Variants in KCTD1 observed in about 807,000 individuals in gnomAD.
KCTD1 encodes the protein potassium channel tetramerization domain containing 1, also known as BTB/POZ domain-containing protein KCTD1.
A neutral mutation model predicts 66.0 loss-of-function variants in KCTD1; 24 were observed. The observed-to-expected ratio is 0.36, with a 90% CI of 0.26 to 0.51. The LOEUF (loss-of-function observed/expected upper bound fraction) is 0.51. Among genes scored for constraint, KCTD1 ranks in the 20% least tolerant of loss-of-function variants. The pLI is 0.95. For synonymous variants in KCTD1, 511 were observed against 517.2 expected, an observed-to-expected ratio of 0.99 and a Z score of 0.16; for missense variants, 943 against 1,205.2, an observed-to-expected ratio of 0.78 and a Z score of 3.22.
chr18:26,558,108 C>T (rs867092270), intron 1 of KCTD1, among the ~76,000 whole-genome samples: 12 of 152,194 alleles, frequency 7.9e-5, no homozygotes, highest in African/African-American at 2.7e-4. Context: ...ATGGAACTTG[C>T]GTGTGTTTCC....
intron 1 of KCTD1, among the ~76,000 whole-genome samples, chr18:26,507,897 A>C (rs1983127425): frequency 6.6e-6 from 1 of 152,156 alleles, no homozygotes; most frequent in Admixed American, 6.5e-5. Context: ...GCAAAGCTGC[A>C]CATCTTGATC....
chr18:26,503,521 C>T (rs1982875332), intron 1 of KCTD1, among the ~76,000 whole-genome samples: 1 of 152,256 alleles, frequency 6.6e-6, no homozygotes, highest in African/African-American at 2.4e-5. Context: ...CACAGGCACA[C>T]ACACACCTCC....
chr18:26,626,851 G>C (rs1987513420), intron 1 of KCTD1, among the ~76,000 whole-genome samples: 1 of 152,172 alleles, frequency 6.6e-6, no homozygotes, highest in Admixed American at 6.5e-5. Flanking sequence ...AAAGGGATCA[G>C]CCAGTGCAAA....
At chr18:26,586,820 C>G (rs1986483143) in intron 1 of KCTD1, among the ~76,000 whole-genome samples, 1 of 152,160 alleles carries the variant, frequency 6.6e-6, no homozygotes, top group Admixed American at 6.5e-5. Context: ...GTCTTCAATT[C>G]TATGAAGGCT....
intron 2 of KCTD1, among the ~76,000 whole-genome samples, chr18:26,495,746 G>C (rs1460527934): frequency 6.6e-6 from 1 of 152,022 alleles, no homozygotes; most frequent in Non-Finnish European, 1.5e-5. Context: ...TTACCTCTAG[G>C]TCATTGGTTG....
intron 2 of KCTD1, among the ~76,000 whole-genome samples, chr18:26,494,312 A>C (rs2144660961): frequency 6.6e-6 from 1 of 152,326 alleles, no homozygotes; most frequent in Middle Eastern, 3.4e-3. Flanking sequence ...TCAAGGCTAC[A>C]ATGAGCTATG....
chr18:26,526,693 C>G (rs905766369), intron 1 of KCTD1, among the ~76,000 whole-genome samples: 1 of 152,138 alleles, frequency 6.6e-6, no homozygotes, highest in Non-Finnish European at 1.5e-5. Flanking sequence ...TGCTGGAGAC[C>G]CAGGAGGGGC....
chr18:26,634,280 G>C (rs1281698644), intron 1 of KCTD1, among the ~76,000 whole-genome samples: 1 of 152,168 alleles, frequency 6.6e-6, no homozygotes, highest in Non-Finnish European at 1.5e-5. Context: ...GGAAAGAATA[G>C]AGTTACACTG....
At chr18:26,470,767 G>A (rs1981014733) in intron 3 of KCTD1, among the ~76,000 whole-genome samples, 1 of 152,230 alleles carries the variant, frequency 6.6e-6, no homozygotes, top group Non-Finnish European at 1.5e-5. Context: ...GTACAGGTGA[G>A]CCTAAGCTAC....
Position 26,548,326 on chromosome 18 carries a change from T to C in KCTD1, c.211A>G (p.Ile71Val). 6.7e-7 allele frequency: 1 copy of C among 1,494,346 alleles called. No homozygotes were observed. The highest frequency in any genetic ancestry group is 8.9e-7 in the Non-Finnish European group (1 of 1,123,820). 92.6% of individuals were successfully genotyped at this position (1,494,346 alleles called of 1,614,324 possible). A position where few individuals can be genotyped will look rare whatever the true frequency, so the allele number is the denominator to read the frequency against. The change falls in exon 1 of 5, where the codon ATA becomes GTA. Residue 71 changes from isoleucine (I) to valine (V), a missense_variant. Coordinates refer to ENST00000580059, the MANE Select transcript of KCTD1 (RefSeq NM_001142730.3). ...TCCTCCTCCTCCTCGTCCCCCGTTA[T>C]CTGCACCTCCTGGATCTCGTCCTCC... Reference protein sequence around the residue: ...EEEDEIQEVQITGDEEEEEDG... With the variant: ...EEEDEIQEVQVTGDEEEEEDG...
intron 1 of KCTD1, among the ~76,000 whole-genome samples, chr18:26,503,665 C>T (rs7226648): frequency 0.32 from 48,260 of 151,992 alleles, 8,878 homozygotes; most frequent in African/African-American, 0.49. Flanking sequence ...TGTCGTTAGA[C>T]TGTGACCTCA....
At chr18:26,628,485 A>G (rs950768480) in intron 1 of KCTD1, among the ~76,000 whole-genome samples, 7 of 152,190 alleles carry the variant, frequency 4.6e-5, no homozygotes, top group African/African-American at 1.4e-4. Flanking sequence ...TTACAGCTCA[A>G]CCAAATTTCT....
intron 1 of KCTD1, among the ~76,000 whole-genome samples, chr18:26,598,316 G>A (rs1167909363): frequency 6.6e-6 from 1 of 152,158 alleles, no homozygotes; most frequent in Non-Finnish European, 1.5e-5. Context: ...AATATTCCAT[G>A]TAGGGATGTA....
At chr18:26,564,370 T>A (rs1169816271) in intron 1 of KCTD1, among the ~76,000 whole-genome samples, 1 of 152,046 alleles carries the variant, frequency 6.6e-6, no homozygotes, top group Non-Finnish European at 1.5e-5. Flanking sequence ...GACCATCAAT[T>A]CCCATCCATG....
chr18:26,461,411 C>T (rs2144540283), intron 3 of KCTD1, among the ~76,000 whole-genome samples: 2 of 152,362 alleles, frequency 1.3e-5, no homozygotes, highest in Middle Eastern at 6.8e-3. Context: ...TGGTTCCCTG[C>T]AGGAAAGGAG....
At chr18:26,605,758 A>ATCTATCTATCTATCTATCTG (rs1555646517) in intron 1 of KCTD1, among the ~76,000 whole-genome samples, 32 of 144,542 alleles carry the variant, frequency 2.2e-4, no homozygotes, top group African/African-American at 8.3e-4. Context: ...CTATCTATCT[A>ATCTATCTATCTATCTATCTG]TCTATCTATC....
intron 1 of KCTD1, among the ~76,000 whole-genome samples, chr18:26,625,378 C>T (rs1445540246): frequency 1.3e-5 from 2 of 152,048 alleles, no homozygotes; most frequent in Non-Finnish European, 2.9e-5. Flanking sequence ...TGGGAGGGAC[C>T]CAGTGGGAGA....
intron 1 of KCTD1, among the ~76,000 whole-genome samples, chr18:26,578,022 C>T (rs1225794068): frequency 1.3e-5 from 2 of 151,148 alleles, no homozygotes; most frequent in African/African-American, 2.4e-5. Flanking sequence ...TTTCTATTTG[C>T]CCCATCTCCA....
At chr18:26,479,304 C>A (rs1194660737) in intron 2 of KCTD1, among the ~76,000 whole-genome samples, 1 of 152,074 alleles carries the variant, frequency 6.6e-6, no homozygotes, top group African/African-American at 2.4e-5. Context: ...TTCCACCCAG[C>A]ACAAGAGGAA....
Sources: allele counts gnomAD v4.1 joint callset (sites outside exome capture counted in the v4.1 genomes callset), GRCh38; gene constraint gnomAD v4.1.1; transcripts MANE v1.5; gene names NCBI Gene and HGNC (gene_info 2026-07-23, HGNC 2026-07-21).